Variants in CPNE6 observed in about 807,000 individuals in gnomAD.
The protein encoded by CPNE6 is copine 6.
A neutral mutation model predicts 71.5 loss-of-function variants in CPNE6; 33 were observed. The ratio of observed to expected loss-of-function variants is 0.46; its 90% CI spans 0.35 to 0.62. CPNE6 has a LOEUF of 0.62. Among genes scored for constraint, CPNE6 ranks in the 20% least tolerant of loss-of-function variants. The pLI is 0.00. For missense variants in CPNE6, 576 were observed against 747.3 expected (o/e 0.77, Z 2.67); for synonymous variants, 296 against 293.0 (o/e 1.01, Z -0.10).
At chr14:24,076,217 C>T in exon 12 of CPNE6, 3 of 1,614,196 alleles carry the variant, frequency 1.9e-6, no homozygotes, top group Non-Finnish European at 2.5e-6. Context: ...GCCTCAGTCC[C>T]CGACAGCCCA....
In CPNE6 at chr14:24,077,465, A is replaced by G. The variant is rs753358087; in HGVS notation, c.1536+75A>G. On this transcript the variant is annotated intron_variant, in intron 16 of 17. Transcript: ENST00000397016. The surrounding 1 kb of genome is among the most constrained non-coding windows in gnomAD (Gnocchi z 6.1). ...CCCCCAAATCTGACCTTCGTCTTCC[A>G]CCATTTGATGTCCTGCTAAGGACGC... 1.9e-6 allele frequency: 3 copies of G among 1,574,162 alleles called. No individual in the cohort carries two copies. Among genetic ancestry groups the G allele is most frequent in the East Asian group, 4.5e-5 (2 of 44,632 alleles).
rs1013409798 is a variant in CPNE6 at position 24,072,859 on chromosome 14, A to G, written c.-4-74A>G. 75 of 1,319,080 alleles carry G rather than the reference A, an allele frequency of 5.7e-5. No homozygotes were observed. In the African/African-American group the frequency reaches 9.7e-4, roughly 17 times the overall value. The allele number at this position is 1,319,080 out of a possible 1,614,324, so 81.7% of individuals were successfully genotyped here. A position where few individuals can be genotyped will look rare whatever the true frequency, so the allele number is the denominator to read the frequency against. Reference sequence around the variant, plus strand: ...GGAGGTTAAGGGGTGGGGCCCAGGGACCCTAGAGGATAGACCCCTCTGCTG... The same window carrying G: ...GGAGGTTAAGGGGTGGGGCCCAGGGGCCCTAGAGGATAGACCCCTCTGCTG... On this transcript the variant is annotated intron_variant, in intron 2 of 17. Coordinates refer to ENST00000397016, the Ensembl canonical transcript of CPNE6.
At chr14:24,071,434 A>G in intron 1 of CPNE6, 128 bp from the exon 1 acceptor site, 1 of 1,479,880 alleles carries the variant, frequency 6.8e-7, no homozygotes. Flanking sequence ...GCTCCCTCCC[A>G]GGCTGTGGCC....
At position 24,074,459 on chromosome 14, in the gene CPNE6, C is replaced by G. The variant is rs548446981; in HGVS notation, c.499-72C>G. On this transcript the variant is annotated intron_variant, in intron 6 of 17. Coordinates refer to ENST00000397016, the Ensembl canonical transcript of CPNE6. The surrounding 1 kb of genome is among the most constrained non-coding windows in gnomAD (Gnocchi z 4.5). ...CAGGAGCCCAGGCCTGCTCTCTTCC[C>G]AGTGGGAGCCCATCCCCCACCCTCC... The G allele has an allele frequency of 6.4e-7, 1 of 1,572,448 alleles. No homozygotes were observed. The highest frequency in any genetic ancestry group is 2.2e-5 in the East Asian group (1 of 44,670).
Position 24,073,114 on chromosome 14 carries a change from G to A in CPNE6, c.168+10G>A, listed in dbSNP as rs938912224. 8.3e-6 allele frequency: 12 copies of A among 1,444,472 alleles called. No homozygotes were observed. Among genetic ancestry groups the A allele is most frequent in the Non-Finnish European group, 1.0e-5 (11 of 1,098,514 alleles). The allele number at this position is 1,444,472 out of a possible 1,614,324, so 89.5% of individuals were successfully genotyped here. On this transcript the variant is annotated intron_variant, in intron 3 of 17. Coordinates refer to ENST00000397016, the Ensembl canonical transcript of CPNE6. This position sits in a 1 kb window ranked among gnomAD's most constrained non-coding sequence, Gnocchi z 5.5. ...TGAGCAGTGGGTGGAGGTGAGAGCA[G>A]CTCAGGTTTCTCCTTAACTAACCTG...
chr14:24,075,647 T>G lies in CPNE6; in HGVS notation c.864+56T>G. On this transcript the variant is annotated intron_variant, in intron 10 of 17. Coordinates refer to ENST00000397016, the Ensembl canonical transcript of CPNE6. The surrounding 1 kb of genome is among the most constrained non-coding windows in gnomAD (Gnocchi z 4.3). ...CCCAGCCCCTGCCCCTACCACACTC[T>G]CAGGTTCAACCCTTCCCTTGTTTCA... The G allele has an allele frequency of 6.7e-7, 1 of 1,482,164 alleles. No individual in the cohort carries two copies. Among genetic ancestry groups the G allele is most frequent in the South Asian group, 1.2e-5 (1 of 84,490 alleles). 91.8% of individuals were successfully genotyped at this position (1,482,164 alleles called of 1,614,324 possible). A position where few individuals can be genotyped will look rare whatever the true frequency, so the allele number is the denominator to read the frequency against.
chr14:24,071,308 G>T lies in CPNE6; in HGVS notation c.-119-219G>T, dbSNP rs1003188278. The T allele has an allele frequency of 3.5e-6, 5 of 1,409,066 alleles. No individual in the cohort carries two copies. The African/African-American group carries it at 5.8e-5, about 16-fold the overall frequency. 87.3% of individuals were successfully genotyped at this position (1,409,066 alleles called of 1,614,324 possible). ...GTATGTGCATGCCACTGCAATGTGC[G>T]CATCTCTGCGATTCTGGGTGTGGGT... is the stretch of plus-strand genomic sequence containing the variant. On this transcript the variant is annotated intron_variant, in intron 1 of 17. Coordinates refer to ENST00000397016, the Ensembl canonical transcript of CPNE6.
At position 24,075,406 on chromosome 14, in the gene CPNE6, C is replaced by T. The variant is rs561752228; in HGVS notation, c.778-99C>T. On this transcript the variant is annotated intron_variant, in intron 9 of 17. Coordinates refer to ENST00000397016, the Ensembl canonical transcript of CPNE6. The surrounding 1 kb of genome is among the most constrained non-coding windows in gnomAD (Gnocchi z 4.3). ...AAAGCACCTGGGCTCAGCTGAAGGA[C>T]GGAACCATGGGGGTCTTGCTCTGGG... The T allele has an allele frequency of 5.7e-5, 81 of 1,410,548 alleles. No individual in the cohort carries two copies. The highest frequency in any genetic ancestry group is 3.5e-4 in the East Asian group (15 of 43,350). 87.4% of individuals were successfully genotyped at this position (1,410,548 alleles called of 1,614,324 possible).
At chr14:24,076,208 C>T in exon 12 of CPNE6, 7 of 1,614,222 alleles carry the variant, frequency 4.3e-6, no homozygotes, top group Non-Finnish European at 5.9e-6. Flanking sequence ...CCCTGCACTG[C>T]CTCAGTCCCC....
exon 2 of CPNE6, chr14:24,071,535 A>C: frequency 1.7e-6 from 2 of 1,189,730 alleles, no homozygotes; most frequent in Non-Finnish European, 2.2e-6. Context: ...AGGCCCCATA[A>C]ATAGCAGCAG....
In CPNE6 at chr14:24,073,499, G is replaced by A. The variant is rs148141884; in HGVS notation, c.169G>A (p.Val57Ile). The A allele has an allele frequency of 3.1e-5, 50 of 1,612,796 alleles. No homozygotes were observed. Among genetic ancestry groups the A allele is most frequent in the Non-Finnish European group, 4.0e-5 (47 of 1,179,700 alleles). Residue 57 changes from valine (V) to isoleucine (I), a missense_variant and splice_region_variant, in exon 4 of 18, where the codon GTA (valine) becomes ATA (isoleucine). Val to Ile is a conservative substitution (Grantham distance 29). This residue lies in a region of CPNE6 where 89 missense variants were observed against 80.4 expected (regional missense o/e 1.11). Coordinates refer to ENST00000397016, the Ensembl canonical transcript of CPNE6. The surrounding 1 kb of genome is among the most constrained non-coding windows in gnomAD (Gnocchi z 5.5). ...CGCCTCCCTTCAACCACTACCACAG[G>A]TAGAGCGCACAGAGGTGCTTCGCTC...
chr14:24,077,307 G>A lies in CPNE6; in HGVS notation c.1453G>A (p.Asp485Asn), dbSNP rs906257703. The stretch of plus-strand genomic sequence containing the variant: ...CTCTGACATGCGGCTGCTGGATGGC[G>A]ACGACGGCCCCTTGCGCTGCCCCCG... The change falls in exon 16 of 18, where the codon GAC becomes AAC. Residue 485 changes from aspartate (D) to asparagine (N), a missense_variant. Physicochemically the swap from Asp to Asn is conservative, Grantham distance 23. Coordinates refer to ENST00000397016, the Ensembl canonical transcript of CPNE6. The surrounding 1 kb of genome is among the most constrained non-coding windows in gnomAD (Gnocchi z 6.1). 5.6e-6 allele frequency: 9 copies of A among 1,613,748 alleles called. No homozygotes were observed. The highest frequency in any genetic ancestry group is 6.8e-6 in the Non-Finnish European group (8 of 1,180,016).
Position 24,077,640 on chromosome 14 carries a change from G to A in CPNE6, c.1584G>A (p.Arg528=). 1 of 1,597,594 alleles carries A rather than the reference G, an allele frequency of 6.3e-7. No individual in the cohort carries two copies. Among genetic ancestry groups the A allele is most frequent in the Non-Finnish European group, 8.5e-7 (1 of 1,171,538 alleles). The change falls in exon 17 of 18, where the codon CGG becomes CGA. Residue 528 remains arginine, a synonymous_variant. Coordinates refer to ENST00000397016, the Ensembl canonical transcript of CPNE6. This position sits in a 1 kb window ranked among gnomAD's most constrained non-coding sequence, Gnocchi z 6.1. ...AGTGTGTCCTGGCTGAGGTGCCACG[G>A]CAGGTGGTGGAGTACTACGCCAGCC... is the stretch of plus-strand genomic sequence containing the variant.
Position 24,077,007 on chromosome 14 carries a change from G to T in CPNE6, c.1294G>T (p.Ala432Ser), listed in dbSNP as rs1269033675. 1.2e-6 allele frequency: 2 copies of T among 1,610,214 alleles called. No individual in the cohort carries two copies. Among genetic ancestry groups the T allele is most frequent in the Non-Finnish European group, 8.5e-7 (1 of 1,179,990 alleles). ...CCAGCGGGAGCAGAGCACCGGCCAA[G>T]CCACGGTAGGAAGACATGGCGGGCA... The change falls in exon 15 of 18, where the codon GCC becomes TCC. Residue 432 changes from alanine to serine, a missense_variant. By Grantham distance (99) the Ala-to-Ser change is moderately conservative. Transcript: ENST00000397016. This position sits in a 1 kb window ranked among gnomAD's most constrained non-coding sequence, Gnocchi z 6.1.
At chr14:24,076,705 C>A (rs1210644834) in intron 14 of CPNE6, 148 bp downstream of exon 13, 1 of 1,433,708 alleles carries the variant, frequency 7.0e-7, no homozygotes, top group Non-Finnish European at 9.7e-7. Flanking sequence ...GGCCGAGGCC[C>A]AGCATCTGCA....
chr14:24,076,530 T>G, exon 14 of CPNE6: 1 of 1,614,112 alleles, frequency 6.2e-7, no homozygotes, highest in Non-Finnish European at 8.5e-7. Context: ...TGCTATCAAC[T>G]TTGACCCGGA....
intron 14 of CPNE6, 98 bp from the exon 14 acceptor site, chr14:24,076,781 G>A: frequency 6.3e-7 from 1 of 1,575,456 alleles, no homozygotes; most frequent in Non-Finnish European, 8.7e-7. Context: ...TCGAGGGGAG[G>A]GCAGTCCTCA....
In CPNE6 at chr14:24,073,077, G is replaced by A. The variant is rs1168845550; in HGVS notation, c.141G>A (p.Lys47=). Residue 47 remains lysine, a synonymous_variant, in exon 3 of 18, where the codon AAG becomes AAA. Coordinates refer to ENST00000397016, the Ensembl canonical transcript of CPNE6. This position sits in a 1 kb window ranked among gnomAD's most constrained non-coding sequence, Gnocchi z 5.5. ...AACCCCACCCCTGCGTGCTGCTCAA[G>A]CTCTACTCTGATGAGCAGTGGGTGG... 6.6e-7 allele frequency: 1 copy of A among 1,505,324 alleles called. No individual in the cohort carries two copies. The highest frequency in any genetic ancestry group is 8.9e-7 in the Non-Finnish European group (1 of 1,128,264). The allele number at this position is 1,505,324 out of a possible 1,614,324, so 93.2% of individuals were successfully genotyped here.
chr14:24,076,767 G>A, intron 14 of CPNE6, 112 bp from the exon 14 acceptor site: 1 of 1,548,356 alleles, frequency 6.5e-7, no homozygotes, highest in South Asian at 1.1e-5. Context: ...CTTAATGAAG[G>A]AACTCGAGGG....
Sources: allele counts gnomAD v4.1 joint callset, GRCh38; gene constraint gnomAD v4.1.1; regional missense constraint gnomAD v4.1.1; non-coding constraint Gnocchi (gnomAD v3.1); transcripts MANE v1.5; gene names NCBI Gene and HGNC (gene_info 2026-07-23, HGNC 2026-07-21).